FAM184A: variants seen among roughly 807,000 people sequenced by gnomAD.
FAM184A encodes protein FAM184A.
Under a neutral mutation model 143.8 loss-of-function variants are expected in FAM184A, and 99 were observed. The ratio of observed to expected loss-of-function variants is 0.69; its 90% confidence interval spans 0.58 to 0.81. The LOEUF (loss-of-function observed/expected upper bound fraction) is 0.81. Among genes scored for constraint, FAM184A ranks in the 40% least tolerant of loss-of-function variants. The pLI, the probability that FAM184A is intolerant of heterozygous loss-of-function variation, is 0.00. For synonymous variants in FAM184A, 427 were observed against 446.4 expected (o/e 0.96, Z 0.55); for missense variants, 1,217 against 1,310.5 (o/e 0.93, Z 1.10).
At chr6:119,040,664 T>C (rs912865978) in intron 1 of FAM184A, among the ~76,000 whole-genome samples, 1 of 152,142 alleles carries the variant, frequency 6.6e-6, no homozygotes, top group African/African-American at 2.4e-5. Context: ...CCGGGACAAA[T>C]ACGAATTGGA....
chr6:119,127,484 CAT>C (rs1403331342), intron 1 of FAM184A, among the ~76,000 whole-genome samples: 23 of 152,316 alleles, frequency 1.5e-4, no homozygotes, highest in African/African-American at 5.5e-4. Flanking sequence ...TGTGAGAGGA[CAT>C]ATCCTGGGTA....
At position 118,961,942 on chromosome 6, in the gene FAM184A, A is replaced by G; in HGVS notation, c.3160T>C (p.Ser1054Pro). ...LAKQKKKNDK[S>P]PTNRFVSVPN... ...ACACTCACAAACCTGTTTGTTGGTG[A>G]TTTATCATTCTTCTTCTTTTGCTGC... The change falls in exon 17 of 18, where the codon TCA becomes CCA. Residue 1054 changes from serine (S) to proline (P), a missense_variant. Coordinates refer to ENST00000338891, the MANE Select transcript of FAM184A (RefSeq NM_024581.6). 1 of 1,613,864 alleles carries G rather than the reference A, an allele frequency of 6.2e-7. No individual in the cohort carries two copies. Among genetic ancestry groups the G allele is most frequent in the Non-Finnish European group, 8.5e-7 (1 of 1,179,814 alleles).
At position 119,003,598 on chromosome 6, in the gene FAM184A, G is replaced by A; in HGVS notation, c.1840C>T (p.Gln614Ter). 1 of 1,611,766 alleles carries A rather than the reference G, an allele frequency of 6.2e-7. No individual in the cohort carries two copies. The highest frequency in any genetic ancestry group is 8.5e-7 in the Non-Finnish European group (1 of 1,178,868). The change falls in exon 8 of 18, where the codon CAG becomes TAG. Residue 614 changes from glutamine to a stop codon, truncating the protein, a stop_gained. Transcript: ENST00000338891. LOFTEE classifies it high-confidence loss of function. ...ATGGCAGCAATTGTTTCTTCATGCT[G>A]TTGCCTTTCTTGTTCTAGCTCACCC... ...VEGELEQERQQHEETIAAMKE... is the reference protein window; with the variant it reads ...VEGELEQERQ
chr6:119,092,249 C>A (rs1788391241), intron 1 of FAM184A, among the ~76,000 whole-genome samples: 1 of 152,100 alleles, frequency 6.6e-6, no homozygotes, highest in African/African-American at 2.4e-5. Flanking sequence ...GCAATCCTCA[C>A]CCCTCAGCCT....
At chr6:118,965,690 G>A (rs1443615730) in intron 15 of FAM184A, among the ~76,000 whole-genome samples, 1 of 152,170 alleles carries the variant, frequency 6.6e-6, no homozygotes, top group Non-Finnish European at 1.5e-5. Flanking sequence ...AGGCTGTTGT[G>A]GAAGGAGTAT....
intron 1 of FAM184A, among the ~76,000 whole-genome samples, chr6:119,038,636 G>A (rs1292394548): frequency 2.0e-5 from 3 of 152,184 alleles, no homozygotes; most frequent in African/African-American, 4.8e-5. Context: ...ATATCATCAA[G>A]AAATAACCAT....
At chr6:119,122,545 G>A (rs934611671) in intron 1 of FAM184A, among the ~76,000 whole-genome samples, 3 of 152,148 alleles carry the variant, frequency 2.0e-5, no homozygotes, top group Non-Finnish European at 4.4e-5. Context: ...TATTCAATAA[G>A]CTGTAAAAGG....
chr6:119,095,703 T>G (rs1788489224), intron 1 of FAM184A, among the ~76,000 whole-genome samples: 1 of 152,060 alleles, frequency 6.6e-6, no homozygotes, highest in Admixed American at 6.6e-5. Flanking sequence ...GGACTACAAG[T>G]GCACACCACC....
chr6:118,987,027 G>C (rs1784217546), intron 9 of FAM184A, among the ~76,000 whole-genome samples: 1 of 152,068 alleles, frequency 6.6e-6, no homozygotes, highest in Non-Finnish European at 1.5e-5. Context: ...TGAAAACTAG[G>C]TAAAATTTTT....
intron 1 of FAM184A, among the ~76,000 whole-genome samples, chr6:119,123,584 C>G (rs1381078841): frequency 6.6e-6 from 1 of 152,028 alleles, no homozygotes; most frequent in Non-Finnish European, 1.5e-5. Flanking sequence ...GGAAGAAAGC[C>G]CAATCATGGT....
At chr6:118,990,538 T>C (rs1414968665) in intron 9 of FAM184A, among the ~76,000 whole-genome samples, 1 of 151,950 alleles carries the variant, frequency 6.6e-6, no homozygotes, top group East Asian at 1.9e-4. Flanking sequence ...ATACCACTGT[T>C]TGTTAATACA....
chr6:119,028,202 T>C (rs1009876806), intron 1 of FAM184A, among the ~76,000 whole-genome samples: 4 of 152,218 alleles, frequency 2.6e-5, no homozygotes, highest in African/African-American at 9.6e-5. Flanking sequence ...CACTCTGCAA[T>C]AGGCAACTTT....
chr6:119,093,237 A>G (rs1397936021), intron 1 of FAM184A, among the ~76,000 whole-genome samples: 1 of 152,100 alleles, frequency 6.6e-6, no homozygotes, highest in East Asian at 1.9e-4. Flanking sequence ...TCACATAAAA[A>G]TCTCATTCTC....
At chr6:119,143,218 A>C (rs1399765100) in intron 1 of FAM184A, among the ~76,000 whole-genome samples, 1 of 152,220 alleles carries the variant, frequency 6.6e-6, no homozygotes, top group Non-Finnish European at 1.5e-5. Flanking sequence ...AGAAACAAAC[A>C]CAGGTTTCAG....
chr6:119,078,688 G>T (rs1000258558), upstream of FAM184A: 1 of 160,172 alleles, frequency 6.2e-6, no homozygotes, highest in Non-Finnish European at 1.4e-5. This position sits in a 1 kb window ranked among gnomAD's most constrained non-coding sequence, Gnocchi z 5.5. Context: ...GAGACGGGGC[G>T]GGCTGCGGCG....
rs539391667 is a variant in FAM184A, at chr6:118,974,547, T to C, written c.2796A>G (p.Arg932=). The change falls in exon 14 of 18, where the codon AGA becomes AGG. Residue 932 remains arginine (R), a synonymous_variant. Coordinates refer to ENST00000338891, the MANE Select transcript of FAM184A (RefSeq NM_024581.6). Reference sequence around the variant, plus strand: ...TCATGACATCCAACTCTTTTTCAAGTCTCTTGTTTAAATCTTGTTCATGCA... The same window carrying C: ...TCATGACATCCAACTCTTTTTCAAGCCTCTTGTTTAAATCTTGTTCATGCA... The part of the protein sequence containing the change: ...IRLHEQDLNK[R]LEKELDVMTA... The C allele has an allele frequency of 6.2e-7, 1 of 1,607,972 alleles. No homozygotes were observed. Among genetic ancestry groups the C allele is most frequent in the Admixed American group, 1.7e-5 (1 of 59,068 alleles).
At chr6:118,981,192 A>T (rs190381666) in intron 9 of FAM184A, among the ~76,000 whole-genome samples, 198 of 152,314 alleles carry the variant, frequency 1.3e-3, no homozygotes, top group African/African-American at 4.7e-3. Flanking sequence ...AAGAATAAAA[A>T]CATAAAACAG....
intron 8 of FAM184A, 116 bp downstream of exon 8, chr6:119,003,385 A>G (rs1002134129): frequency 9.6e-7 from 1 of 1,038,032 alleles, no homozygotes; most frequent in African/African-American, 1.6e-5. Context: ...TAATCACAGG[A>G]AATTTTAATT....
chr6:119,005,794 C>T (rs1784899003), intron 7 of FAM184A: 1 of 341,520 alleles, frequency 2.9e-6, no homozygotes, highest in Admixed American at 4.2e-5. Flanking sequence ...TCTCTACTAT[C>T]TAAGACAATC....
Sources: allele counts gnomAD v4.1 joint callset (sites outside exome capture counted in the v4.1 genomes callset), GRCh38; gene constraint gnomAD v4.1.1; non-coding constraint Gnocchi (gnomAD v3.1); transcripts MANE v1.5; gene names NCBI Gene and HGNC (gene_info 2026-07-23, HGNC 2026-07-21).